Variants in GALNT17 observed in about 807,000 individuals in gnomAD.
GALNT17 encodes the protein polypeptide N-acetylgalactosaminyltransferase 17, also known as UDP-GalNAc:polypeptide N-acetylgalactosaminyltransferase-like 3.
GALNT17 carries 29 observed loss-of-function variants against 63.7 expected under a neutral mutation model. The ratio of observed to expected loss-of-function variants is 0.46; its 90% CI spans 0.34 to 0.62. GALNT17 has a LOEUF of 0.62. Among genes scored for constraint, GALNT17 ranks in the 20% least tolerant of loss-of-function variants. The pLI is 0.01. For synonymous variants in GALNT17, 305 were observed against 318.3 expected (o/e 0.96, Z 0.45); for missense variants, 603 against 799.6 (o/e 0.75, Z 2.97).
intron 2 of GALNT17, among the ~76,000 whole-genome samples, chr7:71,363,889 A>T (rs1328914298): frequency 6.6e-6 from 1 of 152,208 alleles, no homozygotes; most frequent in Non-Finnish European, 1.5e-5. Context: ...AAACTCAGTG[A>T]TTGGCACAAG....
chr7:71,469,187 C>G (rs1029976927), intron 5 of GALNT17, among the ~76,000 whole-genome samples: 1 of 152,104 alleles, frequency 6.6e-6, no homozygotes. Flanking sequence ...AGGCCAATGA[C>G]TGCAAGGAAG....
At chr7:71,285,606 TTAGGTCA>T (rs1790859147) in intron 1 of GALNT17, among the ~76,000 whole-genome samples, 1 of 152,182 alleles carries the variant, frequency 6.6e-6, no homozygotes, top group Non-Finnish European at 1.5e-5. Context: ...TGGGACATGA[TTAGGTCA>T]TAGGGTAAAG....
At chr7:71,443,712 C>G (rs1787110214) in intron 5 of GALNT17, among the ~76,000 whole-genome samples, 1 of 151,330 alleles carries the variant, frequency 6.6e-6, no homozygotes, top group African/African-American at 2.4e-5. Flanking sequence ...CATAAATTAC[C>G]TAGTCTGAGG....
intron 1 of GALNT17, among the ~76,000 whole-genome samples, chr7:71,205,617 G>T (rs1318565161): frequency 6.6e-6 from 1 of 151,890 alleles, no homozygotes; most frequent in Non-Finnish European, 1.5e-5. Context: ...TAGAGATGGG[G>T]TCTTGTTATG....
intron 5 of GALNT17, among the ~76,000 whole-genome samples, chr7:71,469,345 A>G (rs1787590309): frequency 6.6e-6 from 1 of 152,238 alleles, no homozygotes; most frequent in African/African-American, 2.4e-5. Context: ...TTGTGAATTA[A>G]CAGTATTCCT....
At chr7:71,344,950 G>A (rs756191406) in intron 2 of GALNT17, among the ~76,000 whole-genome samples, 3 of 152,112 alleles carry the variant, frequency 2.0e-5, no homozygotes, top group Non-Finnish European at 4.4e-5. Flanking sequence ...AGGGGTTCAC[G>A]TTTTGTAAGG....
chr7:71,625,501 T>C (rs1790359187), intron 6 of GALNT17, among the ~76,000 whole-genome samples: 1 of 152,246 alleles, frequency 6.6e-6, no homozygotes, highest in East Asian at 1.9e-4. Context: ...CTTAGAGATG[T>C]ATGTTTTCTC....
At chr7:71,192,684 C>G (rs1450822571) in intron 1 of GALNT17, among the ~76,000 whole-genome samples, 2 of 152,180 alleles carry the variant, frequency 1.3e-5, no homozygotes, top group Non-Finnish European at 2.9e-5. Flanking sequence ...GCATGAACCA[C>G]TGCACCCAGC....
At chr7:71,165,398 T>A (rs1473747284) in intron 1 of GALNT17, among the ~76,000 whole-genome samples, 2 of 152,202 alleles carry the variant, frequency 1.3e-5, no homozygotes, top group Non-Finnish European at 2.9e-5. Flanking sequence ...GACTCATAGT[T>A]CCACGTGGCT....
chr7:71,350,999 G>T (rs1792179464), intron 2 of GALNT17, among the ~76,000 whole-genome samples: 1 of 152,104 alleles, frequency 6.6e-6, no homozygotes, highest in Non-Finnish European at 1.5e-5. Flanking sequence ...AAATTAGCTG[G>T]GCATAGTGTT....
Position 71,377,114 on chromosome 7 carries a change from A to ATATATAT in GALNT17, c.423-11121_423-11120insTATATAT, listed in dbSNP as rs1554362120. Among the ~76,000 whole-genome samples the ATATATAT allele has an allele frequency of 6.9e-3, 394 of 57,390 alleles. 22 individuals carry two copies. The highest frequency in any genetic ancestry group is 0.017 in the African/African-American group (182 of 10,636). 37.7% of individuals were successfully genotyped at this position (57,390 alleles called of 152,430 possible). The stretch of plus-strand genomic sequence containing the variant: ...AAAAAAAAAAAATAAAAATAAAAAA[A>ATATATAT]ATATATATATATATATATATATATA... On this transcript the variant is annotated intron_variant, in intron 2 of 10. Coordinates refer to ENST00000333538, the MANE Select transcript of GALNT17 (RefSeq NM_022479.3).
At chr7:71,477,859 G>A (rs73702312) in intron 5 of GALNT17, among the ~76,000 whole-genome samples, 11,721 of 152,140 alleles carry the variant, frequency 0.077, 499 homozygotes, top group African/African-American at 0.097. Context: ...AACCTATGGG[G>A]TTTCCAACCC....
At position 71,572,276 on chromosome 7, in the gene GALNT17, G is replaced by A. The variant is rs1159543782; in HGVS notation, c.1080+874G>A. The stretch of plus-strand genomic sequence containing the variant: ...CAGGGACTTCGGAAACCAAATCAGG[G>A]GGGTCACTTGAGCCCAGGAGTTCAA... On this transcript the variant is annotated intron_variant, in intron 6 of 10. Transcript: ENST00000333538. Among the ~76,000 whole-genome samples the A allele has an allele frequency of 4.1e-5, 6 of 146,372 alleles. No homozygotes were observed. The East Asian group carries it at 1.2e-3, about 30-fold the overall frequency.
intron 2 of GALNT17, among the ~76,000 whole-genome samples, chr7:71,385,741 C>T (rs983093003): frequency 3.9e-5 from 6 of 152,258 alleles, no homozygotes; most frequent in African/African-American, 1.4e-4. Context: ...AGGACCTTCT[C>T]CTAGTTGGGG....
Position 71,335,648 on chromosome 7 carries a change from G to A in GALNT17, c.337G>A (p.Gly113Arg), listed in dbSNP as rs1338009435. ...CCCGGCTGAAGAAGAAAAGGCTAAG[G>A]GACCCCATGAGAAGTATGGCTACAA... Reference protein sequence around the residue: ...LSPAEEEKAKGPHEKYGYNSY... With the variant: ...LSPAEEEKAKRPHEKYGYNSY... Residue 113 changes from glycine to arginine, a missense_variant, in exon 2 of 11, where the codon GGA becomes AGA. Around this residue, in one of 3 missense-constraint regions of GALNT17, gnomAD observed 195 missense variants for 215.0 expected, o/e 0.91. Coordinates refer to ENST00000333538, the MANE Select transcript of GALNT17 (RefSeq NM_022479.3). 1.2e-6 allele frequency: 2 copies of A among 1,613,412 alleles called. No homozygotes were observed. The highest frequency in any genetic ancestry group is 2.2e-5 in the East Asian group (1 of 44,814).
intron 1 of GALNT17, among the ~76,000 whole-genome samples, chr7:71,245,539 T>C (rs947860277): frequency 6.6e-6 from 1 of 152,142 alleles, no homozygotes; most frequent in Non-Finnish European, 1.5e-5. Context: ...AATAATGCTT[T>C]GCTGTGAAAG....
chr7:71,244,417 C>T (rs188248747), intron 1 of GALNT17, among the ~76,000 whole-genome samples: 3 of 152,212 alleles, frequency 2.0e-5, no homozygotes, highest in African/African-American at 7.2e-5. Context: ...GAGAAGAGAG[C>T]CTGATGGTCA....
intron 5 of GALNT17, among the ~76,000 whole-genome samples, chr7:71,497,687 GCTATT>G (rs1410183099): frequency 1.3e-5 from 2 of 152,210 alleles, no homozygotes; most frequent in Non-Finnish European, 2.9e-5. Context: ...GGGGAAGTGT[GCTATT>G]TTCCTGGAGC....
chr7:71,208,753 C>T (rs569404658), intron 1 of GALNT17, among the ~76,000 whole-genome samples: 6 of 152,068 alleles, frequency 3.9e-5, no homozygotes, highest in South Asian at 2.1e-4. Context: ...CACCTGGCCA[C>T]GAGTGCTTCT....
Sources: gnomAD v4.1 joint callset for allele counts (sites outside exome capture counted in the v4.1 genomes callset) on GRCh38, gnomAD v4.1.1 for gene constraint, gnomAD v4.1.1 regional missense constraint, MANE v1.5 for transcripts, NCBI Gene and HGNC (gene_info 2026-07-23, HGNC 2026-07-21) for gene names.